FYN: variants seen among roughly 807,000 people sequenced by gnomAD.
FYN encodes the protein FYN proto-oncogene, Src family tyrosine kinase, also known as tyrosine-protein kinase Fyn.
A neutral mutation model predicts 70.2 loss-of-function variants in FYN; 10 were observed. That is an observed-to-expected ratio of 0.14 (90% CI 0.09 to 0.24). The LOEUF (loss-of-function observed/expected upper bound fraction) is 0.24. Among genes scored for constraint, FYN ranks in the 10% least tolerant of loss-of-function variants. The probability of loss-of-function intolerance (pLI) is 1.00; values close to 1 mark genes in which losing one functional copy is unlikely to be tolerated. For synonymous variants in FYN, 236 were observed against 248.6 expected (o/e 0.95, Z 0.48); for missense variants, 319 against 673.1 (o/e 0.47, Z 5.82).
chr6:111,741,461 A>C (rs1801959491), intron 3 of FYN, among the ~76,000 whole-genome samples: 1 of 152,248 alleles, frequency 6.6e-6, no homozygotes, highest in South Asian at 2.1e-4. Flanking sequence ...ATAAAAGAAT[A>C]TCTCAGGATG....
At chr6:111,740,462 T>C (rs1260240052) in intron 3 of FYN, among the ~76,000 whole-genome samples, 2 of 152,320 alleles carry the variant, frequency 1.3e-5, no homozygotes, top group Admixed American at 6.5e-5. Flanking sequence ...AAGGGAAATA[T>C]ACAAGTCACA....
intron 2 of FYN, among the ~76,000 whole-genome samples, chr6:111,809,637 C>T (rs1772260243): frequency 2.0e-5 from 3 of 152,216 alleles, no homozygotes; most frequent in African/African-American, 2.4e-5. Context: ...CAGTGACACC[C>T]TCCAACACCT....
intron 2 of FYN, among the ~76,000 whole-genome samples, chr6:111,817,592 T>C (rs1285068206): frequency 6.6e-6 from 1 of 152,214 alleles, no homozygotes; most frequent in Non-Finnish European, 1.5e-5. Context: ...CCTTGTTAAC[T>C]TTCTGGCAAA....
chr6:111,806,026 C>T (rs766903640), intron 2 of FYN, among the ~76,000 whole-genome samples: 2 of 152,094 alleles, frequency 1.3e-5, no homozygotes, highest in African/African-American at 4.8e-5. Flanking sequence ...AAAAAAGGAA[C>T]GGGGAAGTGG....
At chr6:111,662,143 C>A (rs1238550589) in intron 13 of FYN, among the ~76,000 whole-genome samples, 196 bp from the exon 14 acceptor site, 2 of 152,220 alleles carry the variant, frequency 1.3e-5, no homozygotes, top group Non-Finnish European at 2.9e-5. Flanking sequence ...ATGAAAAATT[C>A]AGAATGACTC....
chr6:111,758,445 T>C (rs761668964), intron 3 of FYN, among the ~76,000 whole-genome samples: 4 of 152,210 alleles, frequency 2.6e-5, no homozygotes, highest in Non-Finnish European at 5.9e-5. Flanking sequence ...GGGGTGTATA[T>C]TAATGTGGAC....
chr6:111,686,513 G>A lies in FYN; in HGVS notation c.1273+7862C>T, dbSNP rs139572480. Reference sequence around the variant, plus strand: ...GGGGTTGGCATGGTCATTTTATGGCGGCACCACTGAGTTGGGAACACACTA... The same window carrying A: ...GGGGTTGGCATGGTCATTTTATGGCAGCACCACTGAGTTGGGAACACACTA... On this transcript the variant is annotated intron_variant, in intron 12 of 13. Transcript: ENST00000354650. Among the ~76,000 whole-genome samples, 521 of 152,214 alleles carry A rather than the reference G, an allele frequency of 3.4e-3. 2 individuals carry two copies. Among genetic ancestry groups the A allele is most frequent in the African/African-American group, 0.011 (471 of 41,526 alleles).
chr6:111,769,242 C>A (rs996079696), intron 3 of FYN, among the ~76,000 whole-genome samples: 8 of 152,186 alleles, frequency 5.3e-5, no homozygotes, highest in Non-Finnish European at 7.3e-5. Context: ...CTCCTCTAGC[C>A]TTCACTTAAC....
intron 3 of FYN, among the ~76,000 whole-genome samples, chr6:111,724,143 T>C (rs1315040221): frequency 6.6e-6 from 1 of 152,194 alleles, no homozygotes; most frequent in Non-Finnish European, 1.5e-5. Context: ...TCTTTACAGA[T>C]GTGCCAATAG....
chr6:111,804,706 G>A (rs1164093596), intron 2 of FYN, among the ~76,000 whole-genome samples: 1 of 152,192 alleles, frequency 6.6e-6, no homozygotes, highest in Non-Finnish European at 1.5e-5. Flanking sequence ...AAAAGAAAAC[G>A]AGGGCTGTGA....
chr6:111,861,854 C>G lies in FYN; in HGVS notation c.-123+11114G>C, dbSNP rs145781193. Among the ~76,000 whole-genome samples the G allele has an allele frequency of 4.6e-3, 706 of 152,280 alleles. 5 individuals carry two copies. The highest frequency in any genetic ancestry group is 0.016 in the African/African-American group (662 of 41,546). On this transcript the variant is annotated intron_variant, in intron 1 of 13. Coordinates refer to ENST00000354650, the MANE Select transcript of FYN (RefSeq NM_002037.5). ...TTCAATCATTCTTTTGAAGGATATA[C>G]AAACAAAGGCTATAGCTGAGCTGTA...
intron 5 of FYN, chr6:111,708,271 A>G (rs1800198381): frequency 2.5e-6 from 1 of 393,754 alleles, no homozygotes; most frequent in Non-Finnish European, 4.7e-6. Flanking sequence ...AATCCTGGCC[A>G]TGAGAAGTCT....
intron 3 of FYN, among the ~76,000 whole-genome samples, chr6:111,726,117 C>A (rs993361955): frequency 6.6e-6 from 1 of 152,206 alleles, no homozygotes; most frequent in African/African-American, 2.4e-5. Flanking sequence ...GGATTCCTCC[C>A]TAGTCAAGCC....
Position 111,725,945 on chromosome 6 carries a change from G to A in FYN, c.-11-5883C>T, listed in dbSNP as rs375647958. 1.8e-4 allele frequency among the ~76,000 whole-genome samples: 28 copies of A among 152,262 alleles called. No homozygotes were observed. The South Asian group carries it at 5.2e-3, about 28-fold the overall frequency. ...GACCTAATCAGGTGAACCCGTGAAC[G>A]GTATGCCAGTTCCTGGAAAAGTAGA... is the stretch of plus-strand genomic sequence containing the variant. On this transcript the variant is annotated intron_variant, in intron 3 of 13. Transcript: ENST00000354650.
chr6:111,837,930 C>T (rs1019771978), intron 2 of FYN, among the ~76,000 whole-genome samples: 13 of 152,200 alleles, frequency 8.5e-5, no homozygotes, highest in African/African-American at 2.7e-4. Flanking sequence ...CTGATCCACG[C>T]AGCATCTCAC....
At chr6:111,817,466 T>C (rs1212243819) in intron 2 of FYN, among the ~76,000 whole-genome samples, 1 of 152,190 alleles carries the variant, frequency 6.6e-6, no homozygotes, top group Non-Finnish European at 1.5e-5. Flanking sequence ...ACATGGTGTA[T>C]CCGTTTTAAA....
In FYN at chr6:111,674,441, A is replaced by C. The variant is rs1359742423; in HGVS notation, c.1405+58T>G. 10 of 1,551,406 alleles carry C rather than the reference A, an allele frequency of 6.4e-6. No homozygotes were observed. The African/African-American group carries it at 9.6e-5, about 15-fold the overall frequency. On this transcript the variant is annotated intron_variant, in intron 13 of 13. Coordinates refer to ENST00000354650, the MANE Select transcript of FYN (RefSeq NM_002037.5). ...AAAGCAAAGTGGATGAAGTTTTCCC[A>C]AATGGTGTCAAAAAAGCCTCCAATC...
intron 5 of FYN, among the ~76,000 whole-genome samples, chr6:111,710,885 G>A (rs1212723668): frequency 6.6e-6 from 1 of 152,166 alleles, no homozygotes; most frequent in Non-Finnish European, 1.5e-5. Context: ...GGTTCTTATA[G>A]TTCAGATTTT....
intron 1 of FYN, among the ~76,000 whole-genome samples, chr6:111,871,485 C>T (rs1392736750): frequency 3.9e-5 from 6 of 152,198 alleles, no homozygotes; most frequent in Admixed American, 3.9e-4. Flanking sequence ...AGTGGTCTTC[C>T]AAATGCTAAC....
Sources: allele counts gnomAD v4.1 joint callset (sites outside exome capture counted in the v4.1 genomes callset), GRCh38; gene constraint gnomAD v4.1.1; transcripts MANE v1.5; gene names NCBI Gene and HGNC (gene_info 2026-07-23, HGNC 2026-07-21).